The following NEGR1 variants were observed in gnomAD, a reference collection of about 807,000 sequenced individuals.
NEGR1 encodes the protein IgLON family member 4.
In NEGR1, 10 loss-of-function variants were observed where a neutral mutation model predicts 40.9. That is an observed-to-expected ratio of 0.24 (90% CI 0.15 to 0.42). The LOEUF (loss-of-function observed/expected upper bound fraction) is 0.42. NEGR1 is among the 10% of genes least tolerant of loss of function. The probability of loss-of-function intolerance (pLI) is 1.00; values close to 1 mark genes in which losing one functional copy is unlikely to be tolerated. For missense variants in NEGR1, 352 were observed against 438.9 expected, an observed-to-expected ratio of 0.80 and a Z score of 1.77; for synonymous variants, 185 against 166.8, an observed-to-expected ratio of 1.11 and a Z score of -0.84.
chr1:72,118,482 C>A (rs141545252), intron 1 of NEGR1, among the ~76,000 whole-genome samples: 15 of 151,870 alleles, frequency 9.9e-5, no homozygotes, highest in East Asian at 5.8e-4. Context: ...GAGGATCCAG[C>A]GGGTGTGTTG....
chr1:71,601,570 A>G (rs980313205), intron 5 of NEGR1, among the ~76,000 whole-genome samples: 15 of 152,232 alleles, frequency 9.9e-5, no homozygotes, highest in Non-Finnish European at 8.8e-5. Flanking sequence ...GCATCCGTCA[A>G]TGGTTGATTG....
At chr1:72,109,168 A>G (rs544692975) in intron 1 of NEGR1, among the ~76,000 whole-genome samples, 9 of 151,856 alleles carry the variant, frequency 5.9e-5, no homozygotes, top group African/African-American at 1.9e-4. Context: ...CAAGCCTAGA[A>G]TATCAAGCTT....
At chr1:72,101,792 C>T (rs1184071133) in intron 1 of NEGR1, among the ~76,000 whole-genome samples, 1 of 152,036 alleles carries the variant, frequency 6.6e-6, no homozygotes, top group Non-Finnish European at 1.5e-5. Context: ...CAACCAGGTT[C>T]AAGGACCTCC....
At chr1:71,965,005 T>G (rs981283371) in intron 1 of NEGR1, among the ~76,000 whole-genome samples, 1 of 152,134 alleles carries the variant, frequency 6.6e-6, no homozygotes, top group Non-Finnish European at 1.5e-5. Flanking sequence ...CTTTTTTAGT[T>G]GTTGGTTTAG....
At chr1:71,589,926 G>A (rs1306273448) in intron 6 of NEGR1, among the ~76,000 whole-genome samples, 1 of 152,014 alleles carries the variant, frequency 6.6e-6, no homozygotes, top group East Asian at 1.9e-4. Flanking sequence ...GTGTCAACTT[G>A]TCTACCCTCA....
intron 1 of NEGR1, among the ~76,000 whole-genome samples, chr1:72,205,748 C>G (rs1419907380): frequency 9.4e-6 from 1 of 106,230 alleles, no homozygotes; most frequent in African/African-American, 3.4e-5. Flanking sequence ...GGCAAAACCC[C>G]ATTTCTACAA....
At chr1:72,042,142 GA>G (rs1338591044) in intron 1 of NEGR1, among the ~76,000 whole-genome samples, 2 of 151,502 alleles carry the variant, frequency 1.3e-5, no homozygotes, top group Non-Finnish European at 2.9e-5. Context: ...TTCAGCCAGA[GA>G]AAGAAAGAAG....
At chr1:71,503,748 C>G (rs74088138) in intron 6 of NEGR1, among the ~76,000 whole-genome samples, 2,278 of 152,094 alleles carry the variant, frequency 0.015, 45 homozygotes, top group African/African-American at 0.052. Context: ...AGCAGACCAT[C>G]TGGACCAATT....
chr1:72,277,642 T>A (rs1039984648), intron 1 of NEGR1, among the ~76,000 whole-genome samples: 1 of 152,164 alleles, frequency 6.6e-6, no homozygotes, highest in Non-Finnish European at 1.5e-5. Context: ...AACATATTTT[T>A]CCAGATTGAC....
At chr1:71,770,654 C>A (rs926275147) in intron 3 of NEGR1, among the ~76,000 whole-genome samples, 4 of 152,010 alleles carry the variant, frequency 2.6e-5, no homozygotes, top group African/African-American at 4.8e-5. Flanking sequence ...ACACAGGAGA[C>A]CGATTTGGTG....
At chr1:71,694,154 C>A (rs1177911592) in intron 4 of NEGR1, among the ~76,000 whole-genome samples, 1 of 151,592 alleles carries the variant, frequency 6.6e-6, no homozygotes, top group Non-Finnish European at 1.5e-5. Flanking sequence ...CTGCTAAGAA[C>A]AGAACATGAA....
At chr1:71,965,326 T>A (rs1646201456) in intron 1 of NEGR1, among the ~76,000 whole-genome samples, 2 of 152,180 alleles carry the variant, frequency 1.3e-5, no homozygotes, top group South Asian at 4.1e-4. Context: ...ACTGCATGTC[T>A]ATATTACTAA....
At chr1:72,112,095 T>C (rs1053377679) in intron 1 of NEGR1, among the ~76,000 whole-genome samples, 1 of 151,832 alleles carries the variant, frequency 6.6e-6, no homozygotes, top group Non-Finnish European at 1.5e-5. Context: ...AAATTTTAAA[T>C]TCATTTATGT....
intron 4 of NEGR1, among the ~76,000 whole-genome samples, chr1:71,635,481 T>G (rs1651116595): frequency 6.6e-6 from 1 of 151,940 alleles, no homozygotes; most frequent in Non-Finnish European, 1.5e-5. Flanking sequence ...AGATGCAAGA[T>G]GAGAAGGGGT....
At chr1:72,249,472 T>C (rs1413923287) in intron 1 of NEGR1, among the ~76,000 whole-genome samples, 25 of 152,158 alleles carry the variant, frequency 1.6e-4, no homozygotes, top group Non-Finnish European at 3.5e-4. Flanking sequence ...GGTAGCTAAT[T>C]ATGAGCTTAA....
In NEGR1 at chr1:71,936,176, C is replaced by T. The variant is rs1401162964; in HGVS notation, c.177-865G>A. Reference sequence around the variant, plus strand: ...CACTGAAACTGTAAACTATGTTTCACTGATAAAACTATAAACTATGTTTAC... The same window carrying T: ...CACTGAAACTGTAAACTATGTTTCATTGATAAAACTATAAACTATGTTTAC... On this transcript the variant is annotated intron_variant, in intron 1 of 6. Transcript: ENST00000357731. 5.9e-5 allele frequency among the ~76,000 whole-genome samples: 9 copies of T among 152,154 alleles called. No individual in the cohort carries two copies. In the East Asian group the frequency reaches 1.7e-3, roughly 29 times the overall value.
chr1:72,219,564 T>C (rs1364985974), intron 1 of NEGR1, among the ~76,000 whole-genome samples: 1 of 152,060 alleles, frequency 6.6e-6, no homozygotes, highest in Non-Finnish European at 1.5e-5. Context: ...ATGATATATA[T>C]TCAAACATAT....
At chr1:71,457,451 T>C (rs1569895990) in intron 6 of NEGR1, among the ~76,000 whole-genome samples, 1 of 152,174 alleles carries the variant, frequency 6.6e-6, no homozygotes, top group East Asian at 1.9e-4. Flanking sequence ...TTTAATTCTT[T>C]CAGTCATTCA....
At chr1:72,209,244 T>C (rs1557579565) in intron 1 of NEGR1, among the ~76,000 whole-genome samples, 1 of 151,656 alleles carries the variant, frequency 6.6e-6, no homozygotes, top group Non-Finnish European at 1.5e-5. Flanking sequence ...TTATAACAGA[T>C]ACAAATGTTT....
Sources: allele counts gnomAD v4.1 joint callset (sites outside exome capture counted in the v4.1 genomes callset), GRCh38; gene constraint gnomAD v4.1.1; transcripts MANE v1.5; gene names NCBI Gene and HGNC (gene_info 2026-07-23, HGNC 2026-07-21).